The following MYT1L variants were observed in gnomAD, a reference collection of about 807,000 sequenced individuals.
MYT1L encodes the protein myelin transcription factor 1-like protein.
In MYT1L, 12 loss-of-function variants were observed where a neutral mutation model predicts 126.7. The ratio of observed to expected loss-of-function variants is 0.09; its 90% confidence interval spans 0.06 to 0.15. The LOEUF (loss-of-function observed/expected upper bound fraction) is 0.15. MYT1L is among the 10% of genes least tolerant of loss of function. The pLI is 1.00. For synonymous variants in MYT1L, 541 were observed against 604.2 expected (o/e 0.90, Z 1.53); for missense variants, 979 against 1,585.2 (o/e 0.62, Z 6.49).
chr2:2,031,538 T>C (rs938572256), intron 4 of MYT1L, among the ~76,000 whole-genome samples: 4 of 137,944 alleles, frequency 2.9e-5, no homozygotes, highest in African/African-American at 8.4e-5. Flanking sequence ...GTGCCTCTCA[T>C]CCTGTGGCCC....
rs374222421 is a variant in MYT1L at position 2,168,000 on chromosome 2, T to TA, written c.-304+4871dup. Reference sequence around the variant, plus strand: ...ATTCACTTAACAATGCATTTTATTTTAAAAAAAAATAGGCATTTACTTCAT... The same window carrying TA: ...ATTCACTTAACAATGCATTTTATTTTAAAAAAAAAATAGGCATTTACTTCAT... On this transcript the variant is annotated intron_variant, in intron 3 of 24. Transcript: ENST00000647738. Among the ~76,000 whole-genome samples the TA allele has an allele frequency of 1.4e-3, 209 of 151,904 alleles. 1 individual carries two copies. Among genetic ancestry groups the TA allele is most frequent in the East Asian group, 5.4e-3 (28 of 5,174 alleles).
rs2034917748 is a variant in MYT1L at position 1,801,891 on chromosome 2, G to A, written c.3173-92C>T. Reference sequence around the variant, plus strand: ...AGCTTTCTTTGTTCCTTTTATATTCGTAATTGAATTTGCTTGGAAAATAGA... The same window carrying A: ...AGCTTTCTTTGTTCCTTTTATATTCATAATTGAATTTGCTTGGAAAATAGA... On this transcript the variant is annotated intron_variant, in intron 22 of 24. Coordinates refer to ENST00000647738, the MANE Select transcript of MYT1L (RefSeq NM_001303052.2). This position sits in a 1 kb window ranked among gnomAD's most constrained non-coding sequence, Gnocchi z 4.2. 1.2e-5 allele frequency: 9 copies of A among 734,570 alleles called. No homozygotes were observed. The highest frequency in any genetic ancestry group is 3.9e-4 in the Middle Eastern group (1 of 2,588). 45.5% of individuals were successfully genotyped at this position (734,570 alleles called of 1,614,324 possible). A position where few individuals can be genotyped will look rare whatever the true frequency, so the allele number is the denominator to read the frequency against.
At position 1,819,463 on chromosome 2, in the gene MYT1L, C is replaced by T. The variant is rs549441876; in HGVS notation, c.3081-10296G>A. On this transcript the variant is annotated intron_variant, in intron 21 of 24. Transcript: ENST00000647738. ...CAGAGGAGAGAATCGAGACGCAGAA[C>T]AGCTAACTTGCCCCAGACCATACAG... is the stretch of plus-strand genomic sequence containing the variant. 3.9e-5 allele frequency among the ~76,000 whole-genome samples: 6 copies of T among 152,310 alleles called. No homozygotes were observed. The South Asian group carries it at 1.2e-3, about 32-fold the overall frequency.
intron 3 of MYT1L, among the ~76,000 whole-genome samples, chr2:2,094,459 A>C (rs1280129303): frequency 6.6e-6 from 1 of 152,234 alleles, no homozygotes; most frequent in Non-Finnish European, 1.5e-5. Flanking sequence ...GCTGCTATAA[A>C]GACACACGCA....
intron 8 of MYT1L, among the ~76,000 whole-genome samples, chr2:1,956,698 T>A (rs1363369063): frequency 6.6e-6 from 1 of 152,166 alleles, no homozygotes; most frequent in Non-Finnish European, 1.5e-5. Flanking sequence ...CCTGTCTATC[T>A]TCTTTCTAAA....
chr2:2,311,512 A>G (rs191602326), intron 1 of MYT1L, among the ~76,000 whole-genome samples: 1 of 152,320 alleles, frequency 6.6e-6, no homozygotes, highest in East Asian at 1.9e-4. Context: ...CTGTTATTAA[A>G]TGAAGCACCG....
intron 18 of MYT1L, among the ~76,000 whole-genome samples, chr2:1,859,677 A>C (rs1334011148): frequency 6.6e-6 from 1 of 152,350 alleles, no homozygotes; most frequent in Admixed American, 6.5e-5. Context: ...GACAGCAGGA[A>C]TATTGGCCAG....
intron 8 of MYT1L, among the ~76,000 whole-genome samples, chr2:1,956,964 C>T (rs953312674): frequency 6.6e-6 from 1 of 152,162 alleles, no homozygotes; most frequent in African/African-American, 2.4e-5. Flanking sequence ...ATCTCCATTC[C>T]ATCTGTCTGC....
chr2:2,117,712 G>T (rs2080404398), intron 3 of MYT1L, among the ~76,000 whole-genome samples: 1 of 152,148 alleles, frequency 6.6e-6, no homozygotes, highest in African/African-American at 2.4e-5. Context: ...ACCATGACTG[G>T]GGTAGGATCA....
At chr2:2,141,470 C>T (rs2083968166) in intron 3 of MYT1L, among the ~76,000 whole-genome samples, 2 of 152,132 alleles carry the variant, frequency 1.3e-5, no homozygotes, top group Non-Finnish European at 2.9e-5. Context: ...TGCATTATCC[C>T]GTGAGATAAT....
At chr2:2,330,006 CT>C (rs2096275248) in intron 1 of MYT1L, among the ~76,000 whole-genome samples, 1 of 151,308 alleles carries the variant, frequency 6.6e-6, no homozygotes, top group Non-Finnish European at 1.5e-5. Flanking sequence ...TTATAAAACT[CT>C]TTTCTTTTAA....
chr2:2,168,679 T>G (rs981338926), intron 3 of MYT1L, among the ~76,000 whole-genome samples: 1 of 152,154 alleles, frequency 6.6e-6, no homozygotes, highest in South Asian at 2.1e-4. Flanking sequence ...CTGAAGTGCT[T>G]TGGATAAAAG....
At position 1,943,247 on chromosome 2, in the gene MYT1L, C is replaced by T; in HGVS notation, c.240G>A (p.Val80=). The T allele has an allele frequency of 6.4e-7, 1 of 1,555,670 alleles. No homozygotes were observed. Among genetic ancestry groups the T allele is most frequent in the Non-Finnish European group, 8.7e-7 (1 of 1,148,966 alleles). ...EPAPKRKPFA[V]KADSSSVDEC... is the part of the protein sequence containing the mutation. ...CATCCACTGAGGAGCTGTCTGCTTT[C>T]ACGGCAAATGGCTTTCGTTTAGGAG... The change falls in exon 9 of 25, where the codon GTG becomes GTA. Residue 80 remains valine (V), a synonymous_variant. Transcript: ENST00000647738. The surrounding 1 kb of genome is among the most constrained non-coding windows in gnomAD (Gnocchi z 4.4).
chr2:1,792,217 C>T, intron 24 of MYT1L, 104 bp downstream of exon 24: 1 of 1,417,556 alleles, frequency 7.1e-7, no homozygotes, highest in Non-Finnish European at 9.3e-7. Flanking sequence ...CAAACATTTG[C>T]CAAAGGCTGA....
chr2:2,016,384 C>T (rs2064393879), intron 4 of MYT1L, among the ~76,000 whole-genome samples: 1 of 152,210 alleles, frequency 6.6e-6, no homozygotes, highest in Admixed American at 6.5e-5. Flanking sequence ...GAAATTCCTC[C>T]TCCTGCCTAT....
intron 21 of MYT1L, among the ~76,000 whole-genome samples, chr2:1,831,635 CA>C (rs2040201796): frequency 1.3e-5 from 2 of 152,208 alleles, no homozygotes; most frequent in African/African-American, 4.8e-5. Context: ...GCCAATGCCC[CA>C]AATGAGCCCA....
At chr2:1,879,663 T>C (rs2047310045) in intron 18 of MYT1L, among the ~76,000 whole-genome samples, 1 of 152,142 alleles carries the variant, frequency 6.6e-6, no homozygotes, top group East Asian at 1.9e-4. Flanking sequence ...AATATATGTG[T>C]ATATATATTT....
intron 3 of MYT1L, among the ~76,000 whole-genome samples, chr2:2,067,721 A>T (rs11685526): frequency 6.6e-6 from 1 of 152,108 alleles, no homozygotes; most frequent in African/African-American, 2.4e-5. Flanking sequence ...AATATTAAAA[A>T]TTTGTTCATC....
intron 3 of MYT1L, among the ~76,000 whole-genome samples, chr2:2,104,077 A>C (rs773507574): frequency 6.6e-6 from 1 of 152,202 alleles, no homozygotes; most frequent in East Asian, 1.9e-4. Flanking sequence ...GAAAGTCACT[A>C]ATGTGGTTTA....
Sources: gnomAD v4.1 joint callset for allele counts (sites outside exome capture counted in the v4.1 genomes callset) on GRCh38, gnomAD v4.1.1 for gene constraint, Gnocchi (gnomAD v3.1) non-coding constraint, MANE v1.5 for transcripts, NCBI Gene and HGNC (gene_info 2026-07-23, HGNC 2026-07-21) for gene names.